The following MAP2 variants were observed in gnomAD, a reference collection of about 807,000 sequenced individuals.
The protein encoded by MAP2 is microtubule associated protein 2.
Under a neutral mutation model 137.6 loss-of-function variants are expected in MAP2, and 14 were observed. That is an observed-to-expected ratio of 0.10 (90% CI 0.07 to 0.16). The LOEUF (loss-of-function observed/expected upper bound fraction) is 0.16, where lower values mean the gene tolerates loss of function less well. MAP2 is among the 10% of genes least tolerant of loss of function. MAP2 has a pLI of 1.00. For synonymous variants in MAP2, 786 were observed against 782.3 expected, an observed-to-expected ratio of 1.00 and a Z score of -0.08; for missense variants, 2,088 against 2,191.5, an observed-to-expected ratio of 0.95 and a Z score of 0.94.
At chr2:209,717,410 G>A (rs376395202) in intron 13 of MAP2, among the ~76,000 whole-genome samples, 5 of 152,008 alleles carry the variant, frequency 3.3e-5, no homozygotes, top group East Asian at 3.9e-4. Context: ...CTCCCACCAG[G>A]TCCCTCCTCC....
intron 1 of MAP2, among the ~76,000 whole-genome samples, chr2:209,455,146 T>A (rs1238146203): frequency 3.3e-5 from 5 of 152,156 alleles, no homozygotes; most frequent in Admixed American, 2.0e-4. Context: ...ACCATCACAT[T>A]GGAGGTTAGG....
chr2:209,720,902 G>C (rs1393834665), intron 13 of MAP2, among the ~76,000 whole-genome samples: 1 of 151,186 alleles, frequency 6.6e-6, no homozygotes, highest in African/African-American at 2.4e-5. Context: ...TATTTATTTA[G>C]ATTTATCCAT....
chr2:209,538,730 G>A (rs968430241), intron 2 of MAP2, among the ~76,000 whole-genome samples: 3 of 151,754 alleles, frequency 2.0e-5, no homozygotes, highest in Non-Finnish European at 2.9e-5. Context: ...TCGTGAAATC[G>A]AGATGCTGAA....
intron 2 of MAP2, among the ~76,000 whole-genome samples, chr2:209,562,241 T>C (rs1475724745): frequency 6.6e-6 from 1 of 152,180 alleles, no homozygotes; most frequent in Non-Finnish European, 1.5e-5. Flanking sequence ...TATTATACTT[T>C]GGGATTTATC....
rs184640876 is a variant in MAP2 at position 209,719,648 on chromosome 2, G to A, written c.5074-6061G>A. On this transcript the variant is annotated intron_variant, in intron 13 of 15. Coordinates refer to ENST00000682079, the MANE Select transcript of MAP2 (RefSeq NM_001375505.1). ...AATATATGCAGAGAGAGAGAGCACCGTGGCAGATCACTTCAATTAAACCGT... is the reference window on the plus strand; with the variant it reads ...AATATATGCAGAGAGAGAGAGCACCATGGCAGATCACTTCAATTAAACCGT... Among the ~76,000 whole-genome samples, 427 of 152,194 alleles carry A rather than the reference G, an allele frequency of 2.8e-3. 2 individuals carry two copies. The highest frequency in any genetic ancestry group is 9.7e-3 in the African/African-American group (403 of 41,516).
intron 2 of MAP2, among the ~76,000 whole-genome samples, chr2:209,561,720 T>A (rs78307974): frequency 0.028 from 4,195 of 152,338 alleles, 100 homozygotes; most frequent in Non-Finnish European, 0.042. Flanking sequence ...AACAATCCAA[T>A]CAACAAATGA....
chr2:209,424,618 G>A (rs1026669454), intron 1 of MAP2, among the ~76,000 whole-genome samples: 3 of 152,218 alleles, frequency 2.0e-5, no homozygotes, highest in Admixed American at 6.5e-5. Flanking sequence ...CTGCGCTGTG[G>A]AAAGAAGGGG....
intron 3 of MAP2, among the ~76,000 whole-genome samples, chr2:209,624,226 G>A (rs572229995): frequency 5.3e-5 from 8 of 152,196 alleles, no homozygotes; most frequent in South Asian, 2.1e-4. Context: ...AAGATATGAC[G>A]GGGTCCACTC....
chr2:209,552,916 T>C (rs556206651), intron 2 of MAP2, among the ~76,000 whole-genome samples: 2 of 152,186 alleles, frequency 1.3e-5, no homozygotes, highest in African/African-American at 4.8e-5. Context: ...AAATTGAAAT[T>C]AATTTAGCTG....
intron 2 of MAP2, among the ~76,000 whole-genome samples, chr2:209,560,227 G>A (rs181255022): frequency 0.012 from 1,786 of 152,214 alleles, 126 homozygotes; most frequent in Admixed American, 0.11. Context: ...AGATAGGAAA[G>A]CATATTTTAT....
chr2:209,529,400 A>G (rs897042797), intron 2 of MAP2, among the ~76,000 whole-genome samples: 11 of 152,222 alleles, frequency 7.2e-5, no homozygotes, highest in African/African-American at 2.7e-4. Context: ...TGTATGTGTG[A>G]TTTGATGAAG....
In MAP2 at chr2:209,730,612, A is replaced by T. The variant is rs955217045; in HGVS notation, c.*215A>T. 4 of 548,250 alleles carry T rather than the reference A, an allele frequency of 7.3e-6. No individual in the cohort carries two copies. The highest frequency in any genetic ancestry group is 4.9e-4 in the Middle Eastern group (1 of 2,022). 34.0% of individuals were successfully genotyped at this position (548,250 alleles called of 1,614,324 possible). A position where few individuals can be genotyped will look rare whatever the true frequency, so the allele number is the denominator to read the frequency against. ...TTTGCAACAGGAAGACACTGGCTTT[A>T]CATGGGTTCAATTGGACAATTATTT... On this transcript the variant is annotated 3_prime_UTR_variant, in exon 16 of 16. Transcript: ENST00000682079.
At chr2:209,725,667 A>G (rs1225658496) in intron 13 of MAP2, 42 bp from the exon 14 acceptor site, 12 of 1,348,406 alleles carry the variant, frequency 8.9e-6, no homozygotes, top group Non-Finnish European at 1.2e-5. Context: ...GTTTTTGTCC[A>G]TGTTTGAACT....
intron 3 of MAP2, among the ~76,000 whole-genome samples, chr2:209,615,994 G>A (rs2089195770): frequency 6.6e-6 from 1 of 152,120 alleles, no homozygotes; most frequent in Non-Finnish European, 1.5e-5. Context: ...CCCACCTTCG[G>A]GTGAGGGCAC....
At chr2:209,447,504 T>C (rs534185350) in intron 1 of MAP2, among the ~76,000 whole-genome samples, 31 of 152,048 alleles carry the variant, frequency 2.0e-4, no homozygotes, top group Non-Finnish European at 2.9e-4. Flanking sequence ...GTAGCAACTC[T>C]CTCATTCATA....
chr2:209,445,565 C>T (rs1282034014), intron 1 of MAP2, among the ~76,000 whole-genome samples: 1 of 151,510 alleles, frequency 6.6e-6, no homozygotes, highest in Admixed American at 6.6e-5. Context: ...GCAAAAATCA[C>T]TCAGAACACA....
intron 1 of MAP2, among the ~76,000 whole-genome samples, chr2:209,446,042 T>G (rs1461460188): frequency 1.3e-5 from 2 of 151,754 alleles, no homozygotes; most frequent in East Asian, 1.9e-4. Context: ...ATTTGGGTTT[T>G]GGGGGTAGTT....
chr2:209,427,248 C>T (rs1692803263), intron 1 of MAP2, among the ~76,000 whole-genome samples: 1 of 152,094 alleles, frequency 6.6e-6, no homozygotes, highest in Admixed American at 6.5e-5. Context: ...AGCACCACCC[C>T]CAGATCAATA....
chr2:209,468,998 G>C (rs1704942586), intron 1 of MAP2, among the ~76,000 whole-genome samples: 1 of 152,164 alleles, frequency 6.6e-6, no homozygotes, highest in Non-Finnish European at 1.5e-5. Flanking sequence ...CACACTGTAA[G>C]TTTATGACTG....
Sources: allele counts gnomAD v4.1 joint callset (sites outside exome capture counted in the v4.1 genomes callset), GRCh38; gene constraint gnomAD v4.1.1; transcripts MANE v1.5; gene names NCBI Gene and HGNC (gene_info 2026-07-23, HGNC 2026-07-21).